Variants in CRTAP observed in about 807,000 individuals in gnomAD.
CRTAP encodes cartilage-associated protein.
CRTAP carries 33 observed loss-of-function variants against 42.7 expected under a neutral mutation model. The observed-to-expected ratio is 0.77, with a 90% CI of 0.59 to 1.03. The LOEUF is 1.03. Among genes scored for constraint, CRTAP ranks in the 50% least tolerant of loss-of-function variants. CRTAP has a pLI of 0.00. For missense variants in CRTAP, 613 were observed against 533.9 expected, an observed-to-expected ratio of 1.15 and a Z score of -1.46; for synonymous variants, 243 against 217.7, an observed-to-expected ratio of 1.12 and a Z score of -1.02.
rs925129657 is a variant in CRTAP, at chr3:33,143,947, C to T, written c.*1499C>T. The stretch of plus-strand genomic sequence containing the variant: ...AGGTGGTGGAGGGCCTTGGCTTCTG[C>T]TAAGTGAGATGGGAACCACTGGAGG... On this transcript the variant is annotated 3_prime_UTR_variant, in exon 7 of 7. Coordinates refer to ENST00000320954, the MANE Select transcript of CRTAP (RefSeq NM_006371.5). 5.1e-4 allele frequency: 78 copies of T among 152,480 alleles called. No individual in the cohort carries two copies. Among genetic ancestry groups the T allele is most frequent in the African/African-American group, 1.9e-3 (77 of 41,544 alleles). The allele number at this position is 152,480 out of a possible 1,614,324, so 9.4% of individuals were successfully genotyped here.
intron 1 of CRTAP, among the ~76,000 whole-genome samples, chr3:33,119,470 A>G (rs1701387594): frequency 6.6e-6 from 1 of 152,052 alleles, no homozygotes; most frequent in Non-Finnish European, 1.5e-5. Flanking sequence ...GGAGAACTTA[A>G]CAGAATATAT....
intron 3 of CRTAP, among the ~76,000 whole-genome samples, chr3:33,128,561 T>A (rs2030145608): frequency 6.6e-6 from 1 of 152,240 alleles, no homozygotes; most frequent in South Asian, 2.1e-4. Context: ...GTTTGCACCC[T>A]TATTGTTGAT....
intron 3 of CRTAP, among the ~76,000 whole-genome samples, chr3:33,125,921 C>T (rs1575516679): frequency 6.6e-6 from 1 of 152,254 alleles, no homozygotes; most frequent in South Asian, 2.1e-4. Flanking sequence ...AAATAAGGTC[C>T]ATCCATTGCA....
At chr3:33,140,803 C>T (rs544993175) in intron 6 of CRTAP, among the ~76,000 whole-genome samples, 14 of 152,156 alleles carry the variant, frequency 9.2e-5, no homozygotes, top group East Asian at 1.9e-4. Context: ...CAGGTAGGAA[C>T]GGAATGAGGG....
intron 1 of CRTAP, among the ~76,000 whole-genome samples, chr3:33,116,567 C>T (rs1193000003): frequency 6.6e-6 from 1 of 152,096 alleles, no homozygotes; most frequent in Non-Finnish European, 1.5e-5. Flanking sequence ...CCATGTTGGC[C>T]AGGCTGGTCT....
At chr3:33,136,218 A>G (rs997603806) in intron 6 of CRTAP, among the ~76,000 whole-genome samples, 1 of 152,212 alleles carries the variant, frequency 6.6e-6, no homozygotes, top group South Asian at 2.1e-4. Context: ...CATGTTGAAC[A>G]TGTTGCCTGT....
At chr3:33,133,026 G>A (rs553192673) in intron 5 of CRTAP, among the ~76,000 whole-genome samples, 2 of 151,870 alleles carry the variant, frequency 1.3e-5, no homozygotes, top group Non-Finnish European at 2.9e-5. Flanking sequence ...GCTGTGAGCC[G>A]AGATTGCGCC....
chr3:33,114,334 G>T lies in CRTAP; in HGVS notation c.257G>T (p.Arg86Leu). ...CGCGACAGCGAGGCCTTCTGCCACC[G>T]CAACTGCAGCGCCGCGCCGCAGCCC... is the stretch of plus-strand genomic sequence containing the variant. ...LLRDSEAFCHRNCSAAPQPEP... is the reference protein window; with the variant it reads ...LLRDSEAFCHLNCSAAPQPEP... The change falls in exon 1 of 7, where the codon CGC becomes CTC. Residue 86 changes from arginine to leucine, a missense_variant. By Grantham distance (102) the Arg-to-Leu change is moderately radical (BLOSUM62 -2). Transcript: ENST00000320954. The T allele has an allele frequency of 6.5e-7, 1 of 1,535,120 alleles. No individual in the cohort carries two copies.
intron 2 of CRTAP, among the ~76,000 whole-genome samples, chr3:33,121,517 C>T (rs1398642147): frequency 6.6e-5 from 10 of 152,178 alleles, no homozygotes; most frequent in Non-Finnish European, 1.5e-4. Flanking sequence ...ATCTCAGGCT[C>T]ACTTTTTGAC....
chr3:33,141,757 TG>T (rs2030577442), intron 6 of CRTAP, among the ~76,000 whole-genome samples: 1 of 152,200 alleles, frequency 6.6e-6, no homozygotes, highest in South Asian at 2.1e-4. Flanking sequence ...GGAAGGGTGC[TG>T]GGCTGCTTCA....
chr3:33,121,820 C>T (rs1287054758), intron 2 of CRTAP, among the ~76,000 whole-genome samples: 2 of 152,044 alleles, frequency 1.3e-5, no homozygotes, highest in Non-Finnish European at 2.9e-5. Flanking sequence ...TGAAGAGTGG[C>T]TTTGGGAGAT....
intron 2 of CRTAP, among the ~76,000 whole-genome samples, chr3:33,122,195 G>A (rs1575515456): frequency 1.3e-5 from 2 of 152,062 alleles, no homozygotes; most frequent in South Asian, 4.1e-4. Context: ...AGTCCTGTTG[G>A]CCCTCACTGG....
chr3:33,142,896 C>A lies in CRTAP; in HGVS notation c.*448C>A. 4.9e-6 allele frequency: 1 copy of A among 204,990 alleles called. No homozygotes were observed. Among genetic ancestry groups the A allele is most frequent in the Non-Finnish European group, 1.0e-5 (1 of 99,240 alleles). 12.7% of individuals were successfully genotyped at this position (204,990 alleles called of 1,614,324 possible). On this transcript the variant is annotated 3_prime_UTR_variant, in exon 7 of 7. Transcript: ENST00000320954. ...CTCGAACTCTTGACTTCAGATGATC[C>A]ATCTGCCTTGGCCTCCCACAGTGCT...
intron 6 of CRTAP, among the ~76,000 whole-genome samples, chr3:33,137,203 C>T (rs772802046): frequency 8.5e-5 from 13 of 152,134 alleles, no homozygotes; most frequent in Admixed American, 3.9e-4. Flanking sequence ...TGCAATGGTG[C>T]GATCTCGGCT....
Position 33,124,522 on chromosome 3 carries a change from G to A in CRTAP, c.736G>A (p.Ala246Thr), listed in dbSNP as rs1413334177. The part of the protein sequence containing the change: ...FFKAFYECLA[A>T]CEGSREIKDF... ...CAAAGCCTTTTACGAGTGTCTCGCAGCCTGCGAGGGTTCCAGGGAGATCAA... is the reference window on the plus strand; with the variant it reads ...CAAAGCCTTTTACGAGTGTCTCGCAACCTGCGAGGGTTCCAGGGAGATCAA... Residue 246 changes from alanine to threonine, a missense_variant, in exon 3 of 7, where the codon GCC (alanine) becomes ACC (threonine). Ala to Thr is a moderately conservative substitution (Grantham distance 58, BLOSUM62 0). Transcript: ENST00000320954. 1.2e-6 allele frequency: 2 copies of A among 1,614,232 alleles called. No homozygotes were observed. Among genetic ancestry groups the A allele is most frequent in the East Asian group, 4.5e-5 (2 of 44,888 alleles).
Position 33,114,055 on chromosome 3 carries a change from C to A in CRTAP, c.-23C>A, listed in dbSNP as rs1031007230. The A allele has an allele frequency of 2.8e-6, 4 of 1,449,252 alleles. No individual in the cohort carries two copies. The African/African-American group carries it at 4.5e-5, about 16-fold the overall frequency. 89.8% of individuals were successfully genotyped at this position (1,449,252 alleles called of 1,614,324 possible). A position where few individuals can be genotyped will look rare whatever the true frequency, so the allele number is the denominator to read the frequency against. Reference sequence around the variant, plus strand: ...CCCTTTTCCCTTCCTTCGTCCCTTCCTTCCTTCCTTTCGCCGGGCGCGATG... The same window carrying A: ...CCCTTTTCCCTTCCTTCGTCCCTTCATTCCTTCCTTTCGCCGGGCGCGATG... On this transcript the variant is annotated 5_prime_UTR_variant, in exon 1 of 7. Coordinates refer to ENST00000320954, the MANE Select transcript of CRTAP (RefSeq NM_006371.5).
chr3:33,116,344 A>G (rs1701343262), intron 1 of CRTAP, among the ~76,000 whole-genome samples: 1 of 152,132 alleles, frequency 6.6e-6, no homozygotes, highest in Non-Finnish European at 1.5e-5. Context: ...GTAAAATACT[A>G]TCTATCTATC....
intron 5 of CRTAP, among the ~76,000 whole-genome samples, chr3:33,132,992 C>A (rs745906873): frequency 1.6e-5 from 1 of 62,484 alleles, no homozygotes; most frequent in African/African-American, 9.3e-5. Flanking sequence ...GCAGAAGAAT[C>A]GCTTGAACCC....
chr3:33,137,845 A>G (rs1294836057), intron 6 of CRTAP, among the ~76,000 whole-genome samples: 1 of 152,210 alleles, frequency 6.6e-6, no homozygotes, highest in Non-Finnish European at 1.5e-5. Context: ...CTGCATTTAA[A>G]TTTACAACCC....
Sources: allele counts gnomAD v4.1 joint callset (sites outside exome capture counted in the v4.1 genomes callset), GRCh38; gene constraint gnomAD v4.1.1; transcripts MANE v1.5; gene names NCBI Gene and HGNC (gene_info 2026-07-23, HGNC 2026-07-21).